Variants in LRRTM4 observed in about 807,000 individuals in gnomAD.
LRRTM4 encodes the protein leucine-rich repeat transmembrane neuronal protein 4.
A neutral mutation model predicts 47.6 loss-of-function variants in LRRTM4; 25 were observed. That is an observed-to-expected ratio of 0.53 (90% CI 0.38 to 0.73). LRRTM4 has a LOEUF of 0.73. Among genes scored for constraint, LRRTM4 ranks in the 30% least tolerant of loss-of-function variants. LRRTM4 has a pLI of 0.00. For synonymous variants in LRRTM4, 311 were observed against 269.5 expected (o/e 1.15, Z -1.51); for missense variants, 638 against 713.4 (o/e 0.89, Z 1.20).
At chr2:76,964,819 T>G (rs1278053047) in intron 3 of LRRTM4, among the ~76,000 whole-genome samples, 1 of 149,940 alleles carries the variant, frequency 6.7e-6, no homozygotes, top group African/African-American at 2.4e-5. Flanking sequence ...GAGAGAGAGA[T>G]AGAAGACAAA....
chr2:76,834,727 A>G lies in LRRTM4; in HGVS notation c.1552-85811T>C, dbSNP rs147133630. Among the ~76,000 whole-genome samples the G allele has an allele frequency of 2.0e-3, 311 of 152,210 alleles. 3 individuals are homozygous for G. Among genetic ancestry groups the G allele is most frequent in the African/African-American group, 7.1e-3 (297 of 41,546 alleles). Reference sequence around the variant, plus strand: ...AGTTTGTTAGCTTATACTTTTCTTGAAGAAATGATACACATAGAAAATGTA... The same window carrying G: ...AGTTTGTTAGCTTATACTTTTCTTGGAGAAATGATACACATAGAAAATGTA... On this transcript the variant is annotated intron_variant, in intron 3 of 3. Transcript: ENST00000409884.
At chr2:77,054,516 T>C (rs1184209427) in intron 3 of LRRTM4, among the ~76,000 whole-genome samples, 2 of 152,168 alleles carry the variant, frequency 1.3e-5, no homozygotes, top group Non-Finnish European at 2.9e-5. Context: ...ATTAAATAAG[T>C]AACGGAAATA....
At chr2:77,450,509 T>A (rs2103950128) in intron 3 of LRRTM4, among the ~76,000 whole-genome samples, 1 of 152,340 alleles carries the variant, frequency 6.6e-6, no homozygotes, top group South Asian at 2.1e-4. Flanking sequence ...TGTTTTTAAC[T>A]AAATACTTTT....
At chr2:77,472,630 A>G (rs1397637942) in intron 3 of LRRTM4, among the ~76,000 whole-genome samples, 2 of 152,118 alleles carry the variant, frequency 1.3e-5, no homozygotes, top group South Asian at 2.1e-4. Context: ...CTACATTATT[A>G]TATCAATTGA....
At chr2:77,356,355 CAATG>C (rs906155886) in intron 3 of LRRTM4, among the ~76,000 whole-genome samples, 1 of 151,842 alleles carries the variant, frequency 6.6e-6, no homozygotes, top group African/African-American at 2.4e-5. Context: ...GGTGAGATTT[CAATG>C]AAAGGCATAA....
chr2:76,829,851 C>T (rs1671298345), intron 3 of LRRTM4, among the ~76,000 whole-genome samples: 1 of 152,000 alleles, frequency 6.6e-6, no homozygotes, highest in African/African-American at 2.4e-5. Context: ...GAAATCATAA[C>T]CGTCACTTAG....
At chr2:76,894,259 C>A (rs1673340783) in intron 3 of LRRTM4, among the ~76,000 whole-genome samples, 1 of 151,974 alleles carries the variant, frequency 6.6e-6, no homozygotes, top group Admixed American at 6.6e-5. Flanking sequence ...GCTAGAAAAC[C>A]TTATGATACT....
chr2:77,214,683 C>T (rs982057068), intron 3 of LRRTM4, among the ~76,000 whole-genome samples: 1 of 151,394 alleles, frequency 6.6e-6, no homozygotes, highest in African/African-American at 2.4e-5. Context: ...GGCAAAAATA[C>T]TATTTTTATA....
At chr2:76,806,112 A>C (rs970646739) in intron 3 of LRRTM4, among the ~76,000 whole-genome samples, 1 of 152,186 alleles carries the variant, frequency 6.6e-6, no homozygotes, top group African/African-American at 2.4e-5. Flanking sequence ...CAAAACTTAG[A>C]AACATATTTA....
chr2:77,421,202 C>T (rs1422726826), intron 3 of LRRTM4, among the ~76,000 whole-genome samples: 4 of 152,134 alleles, frequency 2.6e-5, no homozygotes, highest in Admixed American at 2.6e-4. Context: ...GTTATTACGT[C>T]TCCTCTAAGG....
intron 3 of LRRTM4, among the ~76,000 whole-genome samples, chr2:77,192,345 T>C (rs1673692166): frequency 1.3e-5 from 2 of 152,078 alleles, no homozygotes; most frequent in African/African-American, 4.8e-5. Flanking sequence ...TTTGTTATTT[T>C]TGAATTTTAC....
chr2:77,167,008 A>G (rs1036163841), intron 3 of LRRTM4, among the ~76,000 whole-genome samples: 16 of 152,146 alleles, frequency 1.1e-4, no homozygotes, highest in African/African-American at 3.9e-4. Flanking sequence ...CTACCATCAG[A>G]GTGAAGAGGC....
intron 3 of LRRTM4, among the ~76,000 whole-genome samples, chr2:77,011,272 C>T (rs1224029193): frequency 1.3e-5 from 2 of 152,102 alleles, no homozygotes; most frequent in African/African-American, 4.8e-5. Flanking sequence ...TGTTTTCACA[C>T]TAAATTTCTA....
chr2:77,419,513 A>C (rs1289019665), intron 3 of LRRTM4, among the ~76,000 whole-genome samples: 1 of 152,190 alleles, frequency 6.6e-6, no homozygotes, highest in Non-Finnish European at 1.5e-5. Context: ...TGCTATGTAA[A>C]TAGTTGCTAG....
chr2:76,924,166 C>T (rs2103377), intron 3 of LRRTM4, among the ~76,000 whole-genome samples: 7,930 of 152,034 alleles, frequency 0.052, 476 homozygotes, highest in East Asian at 0.13. Flanking sequence ...ATTATAAAAA[C>T]TCATCTCCTT....
intron 3 of LRRTM4, among the ~76,000 whole-genome samples, chr2:76,782,907 C>T (rs1367758944): frequency 1.3e-5 from 2 of 152,218 alleles, no homozygotes; most frequent in Admixed American, 6.5e-5. Context: ...ATAGAGTGTT[C>T]TTTAGAATTA....
intron 3 of LRRTM4, among the ~76,000 whole-genome samples, chr2:77,371,346 T>C (rs977560034): frequency 4.6e-5 from 7 of 151,808 alleles, no homozygotes; most frequent in Non-Finnish European, 5.9e-5. Flanking sequence ...AGCTAGGCCT[T>C]CAGCACCACC....
intron 3 of LRRTM4, among the ~76,000 whole-genome samples, chr2:76,753,125 T>C (rs1406625849): frequency 6.6e-6 from 1 of 152,206 alleles, no homozygotes; most frequent in Admixed American, 6.5e-5. Flanking sequence ...CATTCAGGGA[T>C]AGTTTAAATC....
chr2:76,897,090 C>G (rs1343903261), intron 3 of LRRTM4, among the ~76,000 whole-genome samples: 3 of 152,000 alleles, frequency 2.0e-5, no homozygotes, highest in African/African-American at 7.2e-5. Flanking sequence ...ATTGTTTAGA[C>G]AATTCTGCTG....
Sources: gnomAD v4.1 joint callset for allele counts (sites outside exome capture counted in the v4.1 genomes callset) on GRCh38, gnomAD v4.1.1 for gene constraint, MANE v1.5 for transcripts, NCBI Gene and HGNC (gene_info 2026-07-23, HGNC 2026-07-21) for gene names.